Variants in BCAS3 observed in about 807,000 individuals in gnomAD.
BCAS3 encodes the protein BCAS3 microtubule associated cell migration factor.
Under a neutral mutation model 116.1 loss-of-function variants are expected in BCAS3, and 53 were observed. The ratio of observed to expected loss-of-function variants is 0.46; its 90% CI spans 0.37 to 0.57. The LOEUF is 0.57. Ranked by LOEUF, BCAS3 falls within the 20% of genes least tolerant of loss-of-function variation. The pLI is 0.00. For synonymous variants in BCAS3, 391 were observed against 408.2 expected, an observed-to-expected ratio of 0.96 and a Z score of 0.51; for missense variants, 917 against 1,165.4, an observed-to-expected ratio of 0.79 and a Z score of 3.10.
chr17:61,242,276 C>A (rs1280211860), intron 22 of BCAS3, among the ~76,000 whole-genome samples: 506 of 130,804 alleles, frequency 3.9e-3, no homozygotes, highest in Non-Finnish European at 4.2e-3. Flanking sequence ...AACTCTGTCT[C>A]AAAAAAAAAA....
rs141481694 is a variant in BCAS3, at chr17:61,056,442, G to A, written c.2029+15550G>A. ...TATTTTGCAAGTCATATGAAGAAAC[G>A]TTAAGAGGCAAATTAAAATTTTAAC... On this transcript the variant is annotated intron_variant, in intron 19 of 23. Coordinates refer to ENST00000407086, the MANE Select transcript of BCAS3 (RefSeq NM_017679.5). This position sits in a 1 kb window ranked among gnomAD's most constrained non-coding sequence, Gnocchi z 4.9. 1.3e-5 allele frequency among the ~76,000 whole-genome samples: 2 copies of A among 152,042 alleles called. No individual in the cohort carries two copies. Among genetic ancestry groups the A allele is most frequent in the Middle Eastern group, 3.4e-3 (1 of 294 alleles).
intron 22 of BCAS3, among the ~76,000 whole-genome samples, chr17:61,129,302 T>G (rs1169974609): frequency 6.6e-6 from 1 of 152,232 alleles, no homozygotes; most frequent in African/African-American, 2.4e-5. Context: ...GTTGTTTGTT[T>G]GTAAAACATT....
At position 60,697,896 on chromosome 17, in the gene BCAS3, T is replaced by C. The variant is rs563932915; in HGVS notation, c.214+8135T>C. On this transcript the variant is annotated intron_variant, in intron 4 of 23. Coordinates refer to ENST00000407086, the MANE Select transcript of BCAS3 (RefSeq NM_017679.5). ...AGAAAAAAGAAGCCAGTAAAGAAAA[T>C]AGGCCGGGTACGATGGCTCACGCCT... is the stretch of plus-strand genomic sequence containing the variant. Among the ~76,000 whole-genome samples the C allele has an allele frequency of 3.9e-5, 6 of 151,962 alleles. No individual in the cohort carries two copies. The South Asian group carries it at 8.3e-4, about 21-fold the overall frequency.
Position 61,132,857 on chromosome 17 carries a change from A to C in BCAS3, c.2425+48293A>C, listed in dbSNP as rs2076412453. ...AGATCAAAGAATCCAAGCAAGGTTCATAAAATGCCACCACCCCTGATTCAT... is the reference window on the plus strand; with the variant it reads ...AGATCAAAGAATCCAAGCAAGGTTCCTAAAATGCCACCACCCCTGATTCAT... On this transcript the variant is annotated intron_variant, in intron 22 of 23. Coordinates refer to ENST00000407086, the MANE Select transcript of BCAS3 (RefSeq NM_017679.5). This position sits in a 1 kb window ranked among gnomAD's most constrained non-coding sequence, Gnocchi z 5.1. Among the ~76,000 whole-genome samples, 1 of 152,184 alleles carries C rather than the reference A, an allele frequency of 6.6e-6. No homozygotes were observed. The highest frequency in any genetic ancestry group is 2.4e-5 in the African/African-American group (1 of 41,460).
At chr17:61,045,823 TTC>T (rs1182475386) in intron 19 of BCAS3, among the ~76,000 whole-genome samples, 1,446 of 34,584 alleles carry the variant, frequency 0.042, 67 homozygotes, top group Middle Eastern at 0.071. Flanking sequence ...TCATCTCTCT[TTC>T]TCTCTCTCTC....
At chr17:61,117,387 G>T (rs933092883) in intron 22 of BCAS3, among the ~76,000 whole-genome samples, 2 of 152,128 alleles carry the variant, frequency 1.3e-5, no homozygotes, top group African/African-American at 2.4e-5. Context: ...GAAGCCAGGA[G>T]TTGGAGACCA....
At chr17:61,283,366 T>G (rs1377352842) in intron 22 of BCAS3, among the ~76,000 whole-genome samples, 1 of 152,100 alleles carries the variant, frequency 6.6e-6, no homozygotes, top group Admixed American at 6.5e-5. Context: ...TTTAGTTAAC[T>G]CTCCTATTTA....
In BCAS3 at chr17:60,964,129, G is replaced by A. The variant is rs972218874; in HGVS notation, c.1221+16777G>A. ...TCTTGTTCCAGTCTTTAGAGGAAAG[G>A]CCTTCATTTTTTCCCTGTTCCGTAT... On this transcript the variant is annotated intron_variant, in intron 14 of 23. Transcript: ENST00000407086. The surrounding 1 kb of genome is among the most constrained non-coding windows in gnomAD (Gnocchi z 4.6). Among the ~76,000 whole-genome samples, 1 of 152,128 alleles carries A rather than the reference G, an allele frequency of 6.6e-6. No homozygotes were observed. Among genetic ancestry groups the A allele is most frequent in the Admixed American group, 6.5e-5 (1 of 15,278 alleles).
chr17:61,112,578 T>G (rs1383513524), intron 22 of BCAS3, among the ~76,000 whole-genome samples: 1 of 104,604 alleles, frequency 9.6e-6, no homozygotes, highest in Non-Finnish European at 2.0e-5. Context: ...AGCACCCAGA[T>G]TCATAAAGCA....
chr17:61,163,251 A>G (rs753168567), intron 22 of BCAS3, among the ~76,000 whole-genome samples: 1 of 151,886 alleles, frequency 6.6e-6, no homozygotes, highest in Non-Finnish European at 1.5e-5. Flanking sequence ...GGTGAAACCC[A>G]GTCTCTACTA....
At chr17:61,272,967 T>C (rs1340420338) in intron 22 of BCAS3, among the ~76,000 whole-genome samples, 2 of 152,166 alleles carry the variant, frequency 1.3e-5, no homozygotes, top group Non-Finnish European at 2.9e-5. Flanking sequence ...TTGGCTTACT[T>C]CCTTGCCTTG....
chr17:61,287,259 T>A (rs968343391), intron 22 of BCAS3, among the ~76,000 whole-genome samples: 1 of 148,790 alleles, frequency 6.7e-6, no homozygotes, highest in Non-Finnish European at 1.5e-5. Flanking sequence ...AAAAAAAAAC[T>A]CTATGGAGTT....
At chr17:61,242,852 AAC>A (rs1491128513) in intron 22 of BCAS3, among the ~76,000 whole-genome samples, 158 of 151,684 alleles carry the variant, frequency 1.0e-3, no homozygotes, top group Non-Finnish European at 1.8e-3. Flanking sequence ...TTTAAAAAAA[AAC>A]AAAAAAACCC....
chr17:61,232,342 G>A (rs948042746), intron 22 of BCAS3, among the ~76,000 whole-genome samples: 16 of 151,784 alleles, frequency 1.1e-4, no homozygotes, highest in East Asian at 3.9e-4. Context: ...CTGGATAGAC[G>A]TGTGTTGCAT....
intron 6 of BCAS3, among the ~76,000 whole-genome samples, chr17:60,752,016 G>T (rs112106099): frequency 6.6e-6 from 1 of 152,098 alleles, no homozygotes; most frequent in African/African-American, 2.4e-5. Context: ...ATTGAGCATT[G>T]TACCAAAGGC....
At chr17:60,939,052 A>G (rs2145215422) in intron 13 of BCAS3, among the ~76,000 whole-genome samples, 1 of 152,302 alleles carries the variant, frequency 6.6e-6, no homozygotes, top group Middle Eastern at 3.4e-3. Flanking sequence ...TTTCTCTCCT[A>G]AATATTCACC....
Position 61,082,633 on chromosome 17 carries a change from T to C in BCAS3, c.2328-1834T>C, listed in dbSNP as rs2143523359. Among the ~76,000 whole-genome samples the C allele has an allele frequency of 6.6e-6, 1 of 152,320 alleles. No homozygotes were observed. Among genetic ancestry groups the C allele is most frequent in the Admixed American group, 6.5e-5 (1 of 15,304 alleles). On this transcript the variant is annotated intron_variant, in intron 21 of 23. Coordinates refer to ENST00000407086, the MANE Select transcript of BCAS3 (RefSeq NM_017679.5). This position sits in a 1 kb window ranked among gnomAD's most constrained non-coding sequence, Gnocchi z 5.1. ...AATGGACTGACCATATCTAAGAGGC[T>C]AGCTTTTTGTTGCTCTCAAGAACAA...
At chr17:60,880,499 A>C (rs551155016) in intron 9 of BCAS3, among the ~76,000 whole-genome samples, 16 of 152,312 alleles carry the variant, frequency 1.1e-4, no homozygotes, top group Middle Eastern at 3.4e-3. Flanking sequence ...CATGTGGGCC[A>C]GGATGGTCTT....
At chr17:60,812,676 T>C (rs1216328242) in intron 7 of BCAS3, among the ~76,000 whole-genome samples, 1 of 151,912 alleles carries the variant, frequency 6.6e-6, no homozygotes, top group Admixed American at 6.6e-5. Context: ...CATGAGTCAA[T>C]ACATACATAC....
Sources: gnomAD v4.1 joint callset for allele counts (sites outside exome capture counted in the v4.1 genomes callset) on GRCh38, gnomAD v4.1.1 for gene constraint, Gnocchi (gnomAD v3.1) non-coding constraint, MANE v1.5 for transcripts, NCBI Gene and HGNC (gene_info 2026-07-23, HGNC 2026-07-21) for gene names.